Variants in MB21D2 observed in about 807,000 individuals in gnomAD.
The protein encoded by MB21D2 is Mab-21 domain containing 2.
MB21D2 carries 9 observed loss-of-function variants against 33.3 expected under a neutral mutation model. The ratio of observed to expected loss-of-function variants is 0.27; its 90% CI spans 0.16 to 0.47. MB21D2 has a LOEUF of 0.47. Ranked by LOEUF, MB21D2 falls within the 20% of genes least tolerant of loss-of-function variation. The probability of loss-of-function intolerance (pLI) is 0.99; values close to 1 mark genes in which losing one functional copy is unlikely to be tolerated. For missense variants in MB21D2, 540 were observed against 624.6 expected (o/e 0.86, Z 1.44); for synonymous variants, 241 against 236.3 (o/e 1.02, Z -0.18).
chr3:192,862,510 G>A (rs535001303), intron 1 of MB21D2, among the ~76,000 whole-genome samples: 2 of 152,310 alleles, frequency 1.3e-5, no homozygotes, highest in African/African-American at 2.4e-5. Context: ...GAGGCTGGGC[G>A]ACCATTTAGA....
Position 192,799,304 on chromosome 3 carries a change from G to C in MB21D2, c.558C>G (p.Asp186Glu), listed in dbSNP as rs1389195866. 2 of 1,614,272 alleles carry C rather than the reference G, an allele frequency of 1.2e-6. No individual in the cohort carries two copies. The highest frequency in any genetic ancestry group is 1.7e-6 in the Non-Finnish European group (2 of 1,180,052). The part of the protein sequence containing the change: ...NYFFSPTKVA[D>E]WFYDSISIVL... ...CAATGCTGATAGAGTCATAGAACCA[G>C]TCAGCCACTTTGGTAGGTGAGAAGA... Residue 186 changes from aspartate to glutamate, a missense_variant, in exon 2 of 2, where the codon GAC becomes GAG. Coordinates refer to ENST00000392452, the MANE Select transcript of MB21D2 (RefSeq NM_178496.4). This position sits in a 1 kb window ranked among gnomAD's most constrained non-coding sequence, Gnocchi z 4.1.
At chr3:192,813,705 C>A (rs763253884) in intron 1 of MB21D2, among the ~76,000 whole-genome samples, 1 of 152,108 alleles carries the variant, frequency 6.6e-6, no homozygotes, top group Non-Finnish European at 1.5e-5. Flanking sequence ...CCTAGTTCTC[C>A]GGCCTAAACC....
chr3:192,825,111 C>T (rs1712146470), intron 1 of MB21D2, among the ~76,000 whole-genome samples: 1 of 152,192 alleles, frequency 6.6e-6, no homozygotes, highest in South Asian at 2.1e-4. Flanking sequence ...AGCCAGCTCT[C>T]GAGAATCGAG....
chr3:192,861,486 A>C (rs1469754233), intron 1 of MB21D2, among the ~76,000 whole-genome samples: 1 of 152,232 alleles, frequency 6.6e-6, no homozygotes, highest in Non-Finnish European at 1.5e-5. Flanking sequence ...TTTGGGAATA[A>C]AGCAGCAGCA....
At chr3:192,891,454 G>C (rs1404570075) in intron 1 of MB21D2, among the ~76,000 whole-genome samples, 1 of 152,150 alleles carries the variant, frequency 6.6e-6, no homozygotes, top group African/African-American at 2.4e-5. Flanking sequence ...GAAATTTGCT[G>C]TTTCCAAGCT....
At chr3:192,816,270 G>C (rs188588577) in intron 1 of MB21D2, among the ~76,000 whole-genome samples, 9 of 152,000 alleles carry the variant, frequency 5.9e-5, no homozygotes, top group African/African-American at 1.7e-4. Context: ...AAAGGACTCA[G>C]GTGTGCTACG....
Position 192,866,058 on chromosome 3 carries a change from T to A in MB21D2, c.211+51572A>T, listed in dbSNP as rs180942294. ...GGAAGATCCTGTCTAAAAAAATAAA[T>A]AAATAAAAAAAAAAGAAGTTTCTGA... On this transcript the variant is annotated intron_variant, in intron 1 of 1. Transcript: ENST00000392452. Among the ~76,000 whole-genome samples, 413 of 149,398 alleles carry A rather than the reference T, an allele frequency of 2.8e-3. 3 individuals carry two copies. The highest frequency in any genetic ancestry group is 9.8e-3 in the African/African-American group (399 of 40,524).
chr3:192,834,991 G>C (rs1476614956), intron 1 of MB21D2, among the ~76,000 whole-genome samples: 3 of 150,380 alleles, frequency 2.0e-5, no homozygotes, highest in Admixed American at 6.6e-5. Flanking sequence ...TGTATTTTTA[G>C]TAGAGACAGG....
intron 1 of MB21D2, among the ~76,000 whole-genome samples, chr3:192,860,323 G>C (rs1019424927): frequency 3.3e-5 from 5 of 152,168 alleles, no homozygotes; most frequent in African/African-American, 1.2e-4. Context: ...AACTGACCCT[G>C]ATGTAGAAGG....
At chr3:192,880,766 AACC>A (rs1713542814) in intron 1 of MB21D2, among the ~76,000 whole-genome samples, 3 of 152,170 alleles carry the variant, frequency 2.0e-5, no homozygotes, top group Non-Finnish European at 4.4e-5. Flanking sequence ...CCAAAGACAT[AACC>A]TGTCTTTAGA....
chr3:192,878,103 G>GTTTTTTTTTTTTTTTTTTTTTT (rs1296544101), intron 1 of MB21D2, among the ~76,000 whole-genome samples: 13 of 134,222 alleles, frequency 9.7e-5, no homozygotes, highest in Non-Finnish European at 7.8e-5. Flanking sequence ...TTTTTTTTTG[G>GTTTTTTTTTTTTTTTTTTTTTT]TTTTTTTTGT....
chr3:192,878,576 A>G (rs7621131), intron 1 of MB21D2, among the ~76,000 whole-genome samples: 38,745 of 152,124 alleles, frequency 0.25, 9,021 homozygotes, highest in African/African-American at 0.62. Flanking sequence ...TGAATGTGTC[A>G]GCATTTCTAT....
intron 1 of MB21D2, among the ~76,000 whole-genome samples, chr3:192,873,039 T>C (rs1260152260): frequency 6.6e-6 from 1 of 151,634 alleles, no homozygotes; most frequent in African/African-American, 2.4e-5. Flanking sequence ...CAACTCAAAA[T>C]GCTGTGTCCC....
At chr3:192,830,606 A>G (rs1560233546) in intron 1 of MB21D2, among the ~76,000 whole-genome samples, 1 of 152,198 alleles carries the variant, frequency 6.6e-6, no homozygotes, top group South Asian at 2.1e-4. Flanking sequence ...TCTCTCTGCA[A>G]AAGAAAAGGA....
At chr3:192,884,929 T>G (rs2108644481) in intron 1 of MB21D2, among the ~76,000 whole-genome samples, 1 of 152,206 alleles carries the variant, frequency 6.6e-6, no homozygotes, top group African/African-American at 2.4e-5. Flanking sequence ...TACAAAAAGA[T>G]TTAGTGTCAT....
intron 1 of MB21D2, among the ~76,000 whole-genome samples, chr3:192,828,641 TA>T (rs1712241993): frequency 2.9e-5 from 1 of 34,392 alleles, no homozygotes; most frequent in Non-Finnish European, 4.7e-5. Context: ...TATATATATA[TA>T]TATATATATA....
At chr3:192,835,489 T>C (rs1431581377) in intron 1 of MB21D2, among the ~76,000 whole-genome samples, 5 of 120,302 alleles carry the variant, frequency 4.2e-5, no homozygotes, top group Non-Finnish European at 8.9e-5. Context: ...CTTAAAAACA[T>C]ACAAGCACAT....
intron 1 of MB21D2, among the ~76,000 whole-genome samples, chr3:192,856,304 TG>T (rs2108631674): frequency 6.6e-6 from 1 of 152,286 alleles, no homozygotes; most frequent in East Asian, 1.9e-4. Flanking sequence ...AAAATCCAGC[TG>T]CAATTCTTTT....
chr3:192,867,850 G>C (rs1577189251), intron 1 of MB21D2, among the ~76,000 whole-genome samples: 1 of 152,098 alleles, frequency 6.6e-6, no homozygotes, highest in East Asian at 1.9e-4. Context: ...CTGGGAGCCC[G>C]GATCTTCCGC....
Sources: allele counts gnomAD v4.1 joint callset (sites outside exome capture counted in the v4.1 genomes callset), GRCh38; gene constraint gnomAD v4.1.1; non-coding constraint Gnocchi (gnomAD v3.1); transcripts MANE v1.5; gene names NCBI Gene and HGNC (gene_info 2026-07-23, HGNC 2026-07-21).